SCYL2: variants seen among roughly 807,000 people sequenced by gnomAD.
SCYL2 encodes the protein SCY1-like protein 2.
In SCYL2, 36 loss-of-function variants were observed where a neutral mutation model predicts 100.4. The observed-to-expected ratio is 0.36, with a 90% CI of 0.27 to 0.47. The LOEUF (loss-of-function observed/expected upper bound fraction) is 0.47. SCYL2 is among the 20% of genes least tolerant of loss of function. The pLI is 1.00. For synonymous variants in SCYL2, 330 were observed against 359.2 expected (o/e 0.92, Z 0.92); for missense variants, 902 against 1,083.9 (o/e 0.83, Z 2.36).
At chr12:100,277,082 A>C (rs77918964) in intron 1 of SCYL2, among the ~76,000 whole-genome samples, 2,567 of 152,190 alleles carry the variant, frequency 0.017, 71 homozygotes, top group African/African-American at 0.058. Flanking sequence ...TTCTAGTTTA[A>C]TTTTATTGTA....
chr12:100,289,635 T>C (rs1043051308), intron 2 of SCYL2, among the ~76,000 whole-genome samples: 1 of 152,222 alleles, frequency 6.6e-6, no homozygotes, highest in Non-Finnish European at 1.5e-5. Context: ...TATTATATTT[T>C]CATTTTTTAT....
At chr12:100,291,733 T>C in intron 3 of SCYL2, 73 bp downstream of exon 3, 2 of 1,392,194 alleles carry the variant, frequency 1.4e-6, no homozygotes, top group Non-Finnish European at 1.9e-6. Context: ...ATTTGAAATC[T>C]GTTTCAAGTA....
chr12:100,296,915 T>C (rs967064037), intron 3 of SCYL2: 2 of 152,214 alleles, frequency 1.3e-5, no homozygotes, highest in African/African-American at 4.8e-5. Context: ...TTTTATTTCT[T>C]ATATATTAAG....
At chr12:100,310,275 C>G (rs193271270) in intron 4 of SCYL2, among the ~76,000 whole-genome samples, 90 of 152,320 alleles carry the variant, frequency 5.9e-4, no homozygotes, top group Non-Finnish European at 5.1e-4. Context: ...GGATTACAGG[C>G]ATGAGCCACT....
intron 1 of SCYL2, among the ~76,000 whole-genome samples, chr12:100,274,028 A>G (rs2096290171): frequency 6.6e-6 from 1 of 152,230 alleles, no homozygotes; most frequent in African/African-American, 2.4e-5. Flanking sequence ...TGGCATAGCC[A>G]GTAAATGTTT....
In SCYL2 at chr12:100,267,328, C is replaced by T; in HGVS notation, c.-493C>T. The T allele has an allele frequency of 5.0e-6, 2 of 399,220 alleles. No homozygotes were observed. The highest frequency in any genetic ancestry group is 1.0e-4 in the South Asian group (2 of 19,874). The allele number at this position is 399,220 out of a possible 1,614,324, so 24.7% of individuals were successfully genotyped here. A position where few individuals can be genotyped will look rare whatever the true frequency, so the allele number is the denominator to read the frequency against. The stretch of plus-strand genomic sequence containing the variant: ...AGGCACGAAGGCAGAGCAGGAACAG[C>T]CAGGAGGCGTTTATTAGGGGGGCGG... On this transcript the variant is annotated 5_prime_UTR_variant, in exon 1 of 18. Transcript: ENST00000360820.
In SCYL2 at chr12:100,282,929, TTC is replaced by T. The variant is rs759875162; in HGVS notation, c.-28-12_-28-11del. 1 of 1,312,878 alleles carries T rather than the reference TTC, an allele frequency of 7.6e-7. No homozygotes were observed. The highest frequency in any genetic ancestry group is 1.5e-5 in the African/African-American group (1 of 67,778). The allele number at this position is 1,312,878 out of a possible 1,614,324, so 81.3% of individuals were successfully genotyped here. Reference sequence around the variant, plus strand: ...AGAAATGATCAGTTCTCCACTATCCTTCTGTTTTTCTAGGTAACTATAACTAC... The same window carrying T: ...AGAAATGATCAGTTCTCCACTATCCTTGTTTTTCTAGGTAACTATAACTAC... On this transcript the variant is annotated splice_polypyrimidine_tract_variant and intron_variant, in intron 1 of 17. Transcript: ENST00000360820.
intron 2 of SCYL2, among the ~76,000 whole-genome samples, chr12:100,291,228 C>T (rs1046329861): frequency 6.6e-5 from 10 of 152,124 alleles, no homozygotes; most frequent in Admixed American, 3.9e-4. Flanking sequence ...GATTACTACA[C>T]AGGAAACAAC....
intron 3 of SCYL2, among the ~76,000 whole-genome samples, chr12:100,297,447 A>G (rs1403823309): frequency 6.6e-6 from 1 of 152,222 alleles, no homozygotes; most frequent in Non-Finnish European, 1.5e-5. Context: ...CTTCTTGTAC[A>G]TGAAAGACTA....
At chr12:100,291,367 C>A in intron 2 of SCYL2, 136 bp from the exon 3 acceptor site, 3 of 586,024 alleles carry the variant, frequency 5.1e-6, no homozygotes, top group Non-Finnish European at 8.7e-6. Flanking sequence ...ATAAGGAAAC[C>A]AACTCTTTGA....
chr12:100,291,662 T>A lies in SCYL2; in HGVS notation c.335+2T>A. On this transcript the variant is annotated splice_donor_variant, in intron 3 of 17. Transcript: ENST00000360820. LOFTEE classifies it high-confidence loss of function. ...CCAGCATCCTTTAGAAGAATCCAGG[T>A]AAATTTTTACAAAAACTTACATAGT... The A allele has an allele frequency of 6.4e-7, 1 of 1,568,110 alleles. No homozygotes were observed. The highest frequency in any genetic ancestry group is 8.6e-7 in the Non-Finnish European group (1 of 1,166,404).
intron 3 of SCYL2, among the ~76,000 whole-genome samples, chr12:100,294,359 CG>C (rs2096314826): frequency 1.0e-5 from 1 of 98,272 alleles, no homozygotes; most frequent in Non-Finnish European, 2.1e-5. Flanking sequence ...ACCTCCCAGA[CG>C]GGGCGGCTGG....
chr12:100,292,628 T>C (rs2096311954), intron 3 of SCYL2, among the ~76,000 whole-genome samples: 1 of 152,244 alleles, frequency 6.6e-6, no homozygotes, highest in African/African-American at 2.4e-5. Flanking sequence ...ACATTTACTA[T>C]GTGAAAAACT....
At position 100,276,314 on chromosome 12, in the gene SCYL2, A is replaced by C. The variant is rs1006858407; in HGVS notation, c.-28-6629A>C. Among the ~76,000 whole-genome samples, 9 of 151,970 alleles carry C rather than the reference A, an allele frequency of 5.9e-5. No homozygotes were observed. In the South Asian group the frequency reaches 1.7e-3, roughly 28 times the overall value. On this transcript the variant is annotated intron_variant, in intron 1 of 17. Transcript: ENST00000360820. ...TGTTATTGGTCATTTGTGTCTTTTAAAATTTTTATTTTCTTTCTTTTTATT... is the reference window on the plus strand; with the variant it reads ...TGTTATTGGTCATTTGTGTCTTTTACAATTTTTATTTTCTTTCTTTTTATT...
intron 4 of SCYL2, among the ~76,000 whole-genome samples, chr12:100,302,231 A>G (rs979737868): frequency 6.6e-6 from 1 of 151,904 alleles, no homozygotes; most frequent in African/African-American, 2.4e-5. Flanking sequence ...TGGGTGGGGG[A>G]GGTGGTGCAA....
chr12:100,335,485 A>G (rs1373016469), intron 14 of SCYL2, 140 bp from the exon 15 acceptor site: 1 of 614,028 alleles, frequency 1.6e-6, no homozygotes, highest in African/African-American at 1.9e-5. Flanking sequence ...TTAACAGTAG[A>G]AAATAATGGA....
intron 1 of SCYL2, among the ~76,000 whole-genome samples, chr12:100,270,133 C>T (rs2096286004): frequency 6.6e-6 from 1 of 151,864 alleles, no homozygotes; most frequent in Admixed American, 6.6e-5. Flanking sequence ...ACTACAGGCG[C>T]CCACCACCAG....
intron 1 of SCYL2, among the ~76,000 whole-genome samples, chr12:100,269,931 AGACAGTACT>A (rs1258785142): frequency 1.3e-5 from 2 of 152,060 alleles, no homozygotes; most frequent in African/African-American, 2.4e-5. Flanking sequence ...CCACTGTCTT[AGACAGTACT>A]TGTGTTTTAT....
At chr12:100,335,278 G>A (rs1226608181) in intron 14 of SCYL2, among the ~76,000 whole-genome samples, 1 of 151,930 alleles carries the variant, frequency 6.6e-6, no homozygotes, top group Non-Finnish European at 1.5e-5. Flanking sequence ...TTCATTGTTA[G>A]TATCACAGAC....
Sources: gnomAD v4.1 joint callset for allele counts (sites outside exome capture counted in the v4.1 genomes callset) on GRCh38, gnomAD v4.1.1 for gene constraint, MANE v1.5 for transcripts, NCBI Gene and HGNC (gene_info 2026-07-23, HGNC 2026-07-21) for gene names.